Variants in SUCLA2 observed in about 807,000 individuals in gnomAD.
The protein encoded by SUCLA2 is succinate-CoA ligase ADP-forming subunit beta.
A neutral mutation model predicts 54.8 loss-of-function variants in SUCLA2; 30 were observed. The observed-to-expected ratio is 0.55, with a 90% CI of 0.41 to 0.74. The LOEUF is 0.74. Among genes scored for constraint, SUCLA2 ranks in the 30% least tolerant of loss-of-function variants. SUCLA2 has a pLI of 0.00. For synonymous variants in SUCLA2, 172 were observed against 188.9 expected, an observed-to-expected ratio of 0.91 and a Z score of 0.74; for missense variants, 476 against 562.9, an observed-to-expected ratio of 0.85 and a Z score of 1.56.
At chr13:47,948,069 A>T (rs1338131063) in intron 10 of SUCLA2, among the ~76,000 whole-genome samples, 1 of 152,208 alleles carries the variant, frequency 6.6e-6, no homozygotes, top group East Asian at 1.9e-4. Flanking sequence ...AAAACAAGTA[A>T]CAGTAATTTT....
chr13:47,963,860 G>A (rs1949893746), intron 6 of SUCLA2, among the ~76,000 whole-genome samples: 1 of 152,174 alleles, frequency 6.6e-6, no homozygotes, highest in East Asian at 1.9e-4. Flanking sequence ...AGAAGCCAGG[G>A]TCCTTTGGAG....
At chr13:47,954,945 A>G (rs371684080) in intron 6 of SUCLA2, among the ~76,000 whole-genome samples, 2 of 152,074 alleles carry the variant, frequency 1.3e-5, no homozygotes, top group African/African-American at 2.4e-5. Context: ...TCTCCCCTAC[A>G]TTATAAATCT....
chr13:47,961,716 G>A (rs1949872966), intron 6 of SUCLA2, among the ~76,000 whole-genome samples: 1 of 152,120 alleles, frequency 6.6e-6, no homozygotes, highest in Non-Finnish European at 1.5e-5. Context: ...ATTCTGATGT[G>A]TCTTAATATA....
chr13:47,943,167 T>C lies in SUCLA2; in HGVS notation c.*204A>G. On this transcript the variant is annotated 3_prime_UTR_variant, in exon 11 of 11. Coordinates refer to ENST00000646932, the MANE Select transcript of SUCLA2 (RefSeq NM_003850.3). ...ACTGGCTGCGACAAAAGAAAGAAGA[T>C]AACTGCATTATACATGCTTCGTACA... 1.8e-6 allele frequency: 1 copy of C among 556,584 alleles called. No individual in the cohort carries two copies. Among genetic ancestry groups the C allele is most frequent in the Non-Finnish European group, 3.2e-6 (1 of 313,064 alleles). 34.5% of individuals were successfully genotyped at this position (556,584 alleles called of 1,614,324 possible).
intron 6 of SUCLA2, among the ~76,000 whole-genome samples, chr13:47,959,615 C>A (rs1396274615): frequency 6.6e-6 from 1 of 152,060 alleles, no homozygotes; most frequent in Non-Finnish European, 1.5e-5. Context: ...AAAGCCCAGG[C>A]ATGTCATGGA....
At position 47,973,403 on chromosome 13, in the gene SUCLA2, A is replaced by G. The variant is rs753953628; in HGVS notation, c.535-11T>C. 13 of 1,612,506 alleles carry G rather than the reference A, an allele frequency of 8.1e-6. No homozygotes were observed. Among genetic ancestry groups the G allele is most frequent in the African/African-American group, 1.3e-5 (1 of 74,918 alleles). ...TATTAATACAGGACCCTGGCAAGGG[A>G]AGTAAACAACCAAAACTCTAGATTT... On this transcript the variant is annotated splice_polypyrimidine_tract_variant and intron_variant, in intron 4 of 10. Transcript: ENST00000646932.
intron 6 of SUCLA2, among the ~76,000 whole-genome samples, chr13:47,956,476 GA>G (rs1949822455): frequency 6.6e-6 from 1 of 152,070 alleles, no homozygotes; most frequent in South Asian, 2.1e-4. Context: ...AGTGATGAAA[GA>G]AAAATATATC....
At chr13:47,947,274 T>TACACACAC (rs34458960) in intron 10 of SUCLA2, among the ~76,000 whole-genome samples, 6 of 144,936 alleles carry the variant, frequency 4.1e-5, no homozygotes, top group Non-Finnish European at 7.7e-5. Flanking sequence ...ACACGCACAA[T>TACACACAC]ACACACACAC....
chr13:47,979,930 G>A (rs993346142), intron 4 of SUCLA2, among the ~76,000 whole-genome samples: 1 of 152,178 alleles, frequency 6.6e-6, no homozygotes, highest in Non-Finnish European at 1.5e-5. Context: ...GTTCAGCAAA[G>A]TTGCAGAATA....
chr13:47,943,330 T>C lies in SUCLA2; in HGVS notation c.*41A>G, dbSNP rs761047945. ...CAGAACACAGTATTCTTAATGATTA[T>C]AGCACATTTAACACCTTCAGCCATC... On this transcript the variant is annotated 3_prime_UTR_variant, in exon 11 of 11. Coordinates refer to ENST00000646932, the MANE Select transcript of SUCLA2 (RefSeq NM_003850.3). The C allele has an allele frequency of 9.0e-6, 14 of 1,555,710 alleles. No individual in the cohort carries two copies. Among genetic ancestry groups the C allele is most frequent in the East Asian group, 9.0e-5 (4 of 44,548 alleles).
chr13:47,961,480 A>C (rs1949870623), intron 6 of SUCLA2, among the ~76,000 whole-genome samples: 1 of 151,858 alleles, frequency 6.6e-6, no homozygotes. Flanking sequence ...AACTTTCTAT[A>C]AGCAAAATTT....
At chr13:47,980,212 C>T (rs1403338011) in intron 4 of SUCLA2, among the ~76,000 whole-genome samples, 4 of 152,004 alleles carry the variant, frequency 2.6e-5, no homozygotes, top group Admixed American at 1.3e-4. Context: ...GTCAGGAGAT[C>T]GAGACCATCC....
chr13:47,971,978 C>T (rs971904278), intron 5 of SUCLA2: 20 of 397,124 alleles, frequency 5.0e-5, no homozygotes, highest in Non-Finnish European at 7.5e-5. Flanking sequence ...GGACCGGACG[C>T]GGTGGCTCAC....
In SUCLA2 at chr13:47,954,964, C is replaced by T. The variant is rs184863504; in HGVS notation, c.803-407G>A. On this transcript the variant is annotated intron_variant, in intron 6 of 10. Transcript: ENST00000646932. ...CCCTACATTATAAATCTGCCTCCCCCCACCCCTTACCTTTCTATTGGCTAA... is the reference window on the plus strand; with the variant it reads ...CCCTACATTATAAATCTGCCTCCCCTCACCCCTTACCTTTCTATTGGCTAA... Among the ~76,000 whole-genome samples the T allele has an allele frequency of 1.1e-3, 173 of 152,176 alleles. No homozygotes were observed. The Middle Eastern group carries it at 0.031, about 27-fold the overall frequency.
At chr13:47,965,773 C>T (rs971397089) in intron 6 of SUCLA2, 3 of 391,886 alleles carry the variant, frequency 7.7e-6, no homozygotes, top group East Asian at 3.6e-5. Flanking sequence ...TATAAGAGAA[C>T]GTTCTTGGCT....
intron 6 of SUCLA2, among the ~76,000 whole-genome samples, chr13:47,959,427 GA>G (rs1949848516): frequency 7.0e-6 from 1 of 142,458 alleles, no homozygotes; most frequent in Non-Finnish European, 1.5e-5. Flanking sequence ...GGAGAAGGAG[GA>G]GGGAGAAGGA....
rs148867226 is a variant in SUCLA2, at chr13:47,952,958, T to C, written c.1107+1182A>G. 4.3e-3 allele frequency among the ~76,000 whole-genome samples: 658 copies of C among 152,266 alleles called. 7 individuals carry two copies. Among genetic ancestry groups the C allele is most frequent in the African/African-American group, 0.015 (611 of 41,554 alleles). On this transcript the variant is annotated intron_variant, in intron 8 of 10. Coordinates refer to ENST00000646932, the MANE Select transcript of SUCLA2 (RefSeq NM_003850.3). ...TCAAGACAGCTTAAGGTATCATCCA[T>C]TCAGTGAAGGCCACCCTGATTCTCC...
At position 47,988,576 on chromosome 13, in the gene SUCLA2, A is replaced by G; in HGVS notation, c.499T>C (p.Tyr167His). ...CTTTCCATTGTTATTGCAAAGTAGT[A>G]TTCTCTCCTGGGATATTTTCGCTCA... ...VCERKYPRRE[Y>H]YFAITMERSF... is the part of the protein sequence containing the mutation. The change falls in exon 4 of 11, where the codon TAC becomes CAC. Residue 167 changes from tyrosine to histidine, a missense_variant. Coordinates refer to ENST00000646932, the MANE Select transcript of SUCLA2 (RefSeq NM_003850.3). The G allele has an allele frequency of 6.2e-7, 1 of 1,613,936 alleles. No individual in the cohort carries two copies. The highest frequency in any genetic ancestry group is 8.5e-7 in the Non-Finnish European group (1 of 1,179,946).
At chr13:47,987,206 A>G (rs942915095) in intron 4 of SUCLA2, among the ~76,000 whole-genome samples, 9 of 152,190 alleles carry the variant, frequency 5.9e-5, no homozygotes, top group African/African-American at 2.2e-4. Context: ...CAAATGCCTT[A>G]AACATATCTT....
Sources: gnomAD v4.1 joint callset for allele counts (sites outside exome capture counted in the v4.1 genomes callset) on GRCh38, gnomAD v4.1.1 for gene constraint, MANE v1.5 for transcripts, NCBI Gene and HGNC (gene_info 2026-07-23, HGNC 2026-07-21) for gene names.